MIGA1: variants seen among roughly 807,000 people sequenced by gnomAD.
The protein encoded by MIGA1 is mitoguardin 1, also known as family with sequence similarity 73, member A.
In MIGA1, 58 loss-of-function variants were observed where a neutral mutation model predicts 82.0. That is an observed-to-expected ratio of 0.71 (90% CI 0.57 to 0.88). MIGA1 has a LOEUF of 0.88. Ranked by LOEUF, MIGA1 falls within the 40% of genes least tolerant of loss-of-function variation. The pLI, the probability that MIGA1 is intolerant of heterozygous loss-of-function variation, is 0.00. For synonymous variants in MIGA1, 249 were observed against 253.6 expected (o/e 0.98, Z 0.17); for missense variants, 751 against 749.1 (o/e 1.00, Z -0.03).
At chr1:77,869,918 C>T (rs1304870910) in intron 14 of MIGA1, among the ~76,000 whole-genome samples, 1 of 122,782 alleles carries the variant, frequency 8.1e-6, no homozygotes, top group Non-Finnish European at 1.7e-5. Flanking sequence ...GGGGGGCTGA[C>T]CCCGCCCACC....
intron 7 of MIGA1, among the ~76,000 whole-genome samples, chr1:77,827,812 A>C (rs111588316): frequency 1.1e-4 from 17 of 152,276 alleles, no homozygotes; most frequent in African/African-American, 4.1e-4. Flanking sequence ...GCAATTGAAG[A>C]GGTGAAGGGA....
At position 77,858,846 on chromosome 1, in the gene MIGA1, C is replaced by A. The variant is rs1685361278; in HGVS notation, c.997-92C>A. On this transcript the variant is annotated intron_variant, in intron 8 of 15. Transcript: ENST00000370791. ...TGTTACCCAGGCTGGTTTCAAACTTCTGGGTTCAAATGATCCTCCCAAAGT... is the reference window on the plus strand; with the variant it reads ...TGTTACCCAGGCTGGTTTCAAACTTATGGGTTCAAATGATCCTCCCAAAGT... The A allele has an allele frequency of 1.4e-5, 10 of 721,734 alleles. No homozygotes were observed. In the Admixed American group the frequency reaches 2.2e-4, roughly 16 times the overall value. The allele number at this position is 721,734 out of a possible 1,614,324, so 44.7% of individuals were successfully genotyped here.
intron 7 of MIGA1, among the ~76,000 whole-genome samples, chr1:77,818,471 C>A (rs1167904689): frequency 6.6e-6 from 1 of 151,982 alleles, no homozygotes; most frequent in African/African-American, 2.4e-5. Flanking sequence ...AGAGAAGACA[C>A]AAGGATGTAC....
intron 13 of MIGA1, among the ~76,000 whole-genome samples, 157 bp from the exon 14 acceptor site, chr1:77,866,181 C>G (rs1275884382): frequency 6.6e-6 from 1 of 152,148 alleles, no homozygotes; most frequent in Non-Finnish European, 1.5e-5. Flanking sequence ...TCCCAAAGTG[C>G]TGGGATTACA....
intron 2 of MIGA1, among the ~76,000 whole-genome samples, chr1:77,784,443 CT>C (rs1481819382): frequency 3.9e-5 from 6 of 152,236 alleles, no homozygotes; most frequent in Middle Eastern, 3.4e-3. Flanking sequence ...CCAGGCTGGT[CT>C]TGAACTCCTG....
chr1:77,847,665 A>G (rs758060413), intron 8 of MIGA1: 3 of 1,570,562 alleles, frequency 1.9e-6, no homozygotes, highest in Non-Finnish European at 2.6e-6. Context: ...AACCAAGCAG[A>G]AAGATCTCAG....
Position 77,858,415 on chromosome 1 carries a change from A to G in MIGA1, c.997-523A>G, listed in dbSNP as rs556267535. ...ATTTAAATAATTGGATTCAGAATGA[A>G]CTAAGCTTGTTAAAAGTTTTACTCT... is the stretch of plus-strand genomic sequence containing the variant. On this transcript the variant is annotated intron_variant, in intron 8 of 15. Transcript: ENST00000370791. 1.1e-3 allele frequency among the ~76,000 whole-genome samples: 166 copies of G among 152,280 alleles called. 1 individual carries two copies. The highest frequency in any genetic ancestry group is 6.2e-4 in the Non-Finnish European group (42 of 68,016).
At position 77,811,760 on chromosome 1, in the gene MIGA1, G is replaced by T. The variant is rs1570947202; in HGVS notation, c.638-1974G>T. ...AAACTGGCGCCCCAGCGCTGCAGCA[G>T]ACTCCGGGTCACCTCCGACATGGCC... On this transcript the variant is annotated intron_variant, in intron 5 of 15. Transcript: ENST00000370791. 22 of 1,603,186 alleles carry T rather than the reference G, an allele frequency of 1.4e-5. No homozygotes were observed. The East Asian group carries it at 4.9e-4, about 36-fold the overall frequency.
intron 5 of MIGA1, 46 bp downstream of exon 5, chr1:77,807,147 A>G (rs1462436748): frequency 2.1e-6 from 3 of 1,448,112 alleles, no homozygotes; most frequent in African/African-American, 1.4e-5. Flanking sequence ...CTCACATTTA[A>G]TTTGTTTTGT....
intron 7 of MIGA1, among the ~76,000 whole-genome samples, chr1:77,817,700 C>T (rs1263981897): frequency 6.6e-6 from 1 of 152,120 alleles, no homozygotes; most frequent in Non-Finnish European, 1.5e-5. Flanking sequence ...ATCAAAATTG[C>T]CTAGAAGTCA....
chr1:77,843,791 TTATATA>T (rs1378721466), intron 8 of MIGA1, among the ~76,000 whole-genome samples: 4 of 151,868 alleles, frequency 2.6e-5, no homozygotes, highest in African/African-American at 9.7e-5. Context: ...GATTCAAAGA[TTATATA>T]TATATAAATA....
At chr1:77,806,311 G>A (rs901392896) in intron 4 of MIGA1, among the ~76,000 whole-genome samples, 1 of 152,192 alleles carries the variant, frequency 6.6e-6, no homozygotes, top group African/African-American at 2.4e-5. Context: ...TCTTACGGTA[G>A]GGTTGACTGT....
intron 7 of MIGA1, among the ~76,000 whole-genome samples, chr1:77,822,512 A>C (rs888460533): frequency 6.6e-6 from 1 of 152,164 alleles, no homozygotes; most frequent in South Asian, 2.1e-4. Context: ...AAAATACAGA[A>C]TTTTTTTGAA....
chr1:77,869,475 G>T (rs1428172452), intron 14 of MIGA1, among the ~76,000 whole-genome samples: 1 of 139,374 alleles, frequency 7.2e-6, no homozygotes, highest in Admixed American at 7.0e-5. Flanking sequence ...CCCAGACGGG[G>T]TCGTGGCCGG....
At chr1:77,815,834 A>G (rs1307106269) in intron 7 of MIGA1, among the ~76,000 whole-genome samples, 1 of 152,188 alleles carries the variant, frequency 6.6e-6, no homozygotes, top group Non-Finnish European at 1.5e-5. Flanking sequence ...GGCTCAAGTG[A>G]TCCACCTGCC....
At position 77,879,520 on chromosome 1, in the gene MIGA1, C is replaced by T. The variant is rs1646919452; in HGVS notation, c.*4456C>T. On this transcript the variant is annotated 3_prime_UTR_variant, in exon 16 of 16. Transcript: ENST00000370791. Reference sequence around the variant, plus strand: ...TAACATGGATGTATTACTATTACTGCCAAATAAAAAAGTGATGGTACGTCT... The same window carrying T: ...TAACATGGATGTATTACTATTACTGTCAAATAAAAAAGTGATGGTACGTCT... The T allele has an allele frequency of 3.3e-5, 5 of 151,862 alleles. No individual in the cohort carries two copies. Among genetic ancestry groups the T allele is most frequent in the Non-Finnish European group, 1.5e-5 (1 of 67,986 alleles). The allele number at this position is 151,862 out of a possible 1,614,324, so 9.4% of individuals were successfully genotyped here. A position where few individuals can be genotyped will look rare whatever the true frequency, so the allele number is the denominator to read the frequency against.
chr1:77,834,229 G>T (rs970748950), intron 7 of MIGA1, among the ~76,000 whole-genome samples: 9 of 151,886 alleles, frequency 5.9e-5, no homozygotes, highest in Admixed American at 5.9e-4. Flanking sequence ...AGGCTGGAGC[G>T]CAGTGGCGTG....
chr1:77,820,553 A>T (rs142001679), intron 7 of MIGA1, among the ~76,000 whole-genome samples: 66 of 152,258 alleles, frequency 4.3e-4, no homozygotes, highest in Non-Finnish European at 8.1e-4. Context: ...GGAATTTGGA[A>T]CTTCTCTAGG....
chr1:77,780,113 T>C (rs2101664870), intron 1 of MIGA1: 1 of 1,003,228 alleles, frequency 1.0e-6, no homozygotes, highest in East Asian at 1.0e-4. Context: ...TTTTCTGGTG[T>C]TCTTGGCAAA....
Sources: allele counts gnomAD v4.1 joint callset (sites outside exome capture counted in the v4.1 genomes callset), GRCh38; gene constraint gnomAD v4.1.1; transcripts MANE v1.5; gene names NCBI Gene and HGNC (gene_info 2026-07-23, HGNC 2026-07-21).